ABTB3: variants seen among roughly 807,000 people sequenced by gnomAD.
ABTB3 encodes the protein ankyrin repeat and BTB domain containing 3.
the ABTB3 span, among the ~76,000 whole-genome samples, chr12:107,391,677 C>T: frequency 6.6e-6 from 1 of 152,148 alleles, no homozygotes; most frequent in Non-Finnish European, 1.5e-5. Flanking sequence ...GAGAAAATAA[C>T]CTAGTTTGAC....
At chr12:107,409,494 G>A in the ABTB3 span, among the ~76,000 whole-genome samples, 2 of 152,216 alleles carry the variant, frequency 1.3e-5, no homozygotes, top group East Asian at 3.8e-4. Flanking sequence ...TTACACTAGT[G>A]AATATATACA....
the ABTB3 span, among the ~76,000 whole-genome samples, chr12:107,629,803 T>C: frequency 1.3e-5 from 2 of 152,220 alleles, no homozygotes; most frequent in African/African-American, 4.8e-5. Context: ...GCCTCCAGAA[T>C]GGAGCAAGCC....
chr12:107,547,527 G>A, the ABTB3 span, among the ~76,000 whole-genome samples: 57 of 152,178 alleles, frequency 3.7e-4, 1 homozygote, highest in Non-Finnish European at 6.6e-4. Context: ...AAAGAGGCAC[G>A]AGCAGGGAAG....
the ABTB3 span, among the ~76,000 whole-genome samples, chr12:107,497,732 T>C: frequency 2.6e-5 from 4 of 152,316 alleles, no homozygotes; most frequent in South Asian, 2.1e-4. Context: ...AGAAAATCGA[T>C]GTTCTTATTC....
chr12:107,509,623 T>A, the ABTB3 span, among the ~76,000 whole-genome samples: 1 of 152,192 alleles, frequency 6.6e-6, no homozygotes, highest in Non-Finnish European at 1.5e-5. Context: ...CAAGTCAGCC[T>A]GGGAGCTTCG....
At chr12:107,625,004 A>G in the ABTB3 span, among the ~76,000 whole-genome samples, 46 of 152,180 alleles carry the variant, frequency 3.0e-4, no homozygotes, top group African/African-American at 1.0e-3. Flanking sequence ...TGTTGTCACT[A>G]TTTTTCATTT....
chr12:107,609,010 T>TAAAATA, the ABTB3 span, among the ~76,000 whole-genome samples: 2 of 105,140 alleles, frequency 1.9e-5, no homozygotes, highest in African/African-American at 1.2e-4. Context: ...TAAAATAAAA[T>TAAAATA]AAAGACACAG....
the ABTB3 span, among the ~76,000 whole-genome samples, chr12:107,639,883 A>G: frequency 2.0e-5 from 3 of 152,212 alleles, no homozygotes; most frequent in Non-Finnish European, 4.4e-5. Flanking sequence ...GAACAGGCTC[A>G]TTTGTCACTG....
the ABTB3 span, among the ~76,000 whole-genome samples, chr12:107,622,792 G>C: frequency 1.3e-5 from 2 of 152,118 alleles, no homozygotes; most frequent in Non-Finnish European, 2.9e-5. Context: ...TGTTTTATCA[G>C]AGTAGTGAAT....
the ABTB3 span, among the ~76,000 whole-genome samples, chr12:107,644,815 T>A: frequency 6.6e-6 from 1 of 152,022 alleles, no homozygotes; most frequent in Non-Finnish European, 1.5e-5. Flanking sequence ...CACTTATAAG[T>A]GAGAACATGG....
the ABTB3 span, among the ~76,000 whole-genome samples, chr12:107,335,115 A>G: frequency 1.3e-3 from 191 of 151,876 alleles, no homozygotes; most frequent in Middle Eastern, 3.4e-3. Context: ...GCAAGACCCC[A>G]TCTCTATACA....
chr12:107,609,663 C>T, the ABTB3 span, among the ~76,000 whole-genome samples: 1 of 152,210 alleles, frequency 6.6e-6, no homozygotes, highest in African/African-American at 2.4e-5. Context: ...CTAGAGCAGG[C>T]AGTCCGACAA....
the ABTB3 span, chr12:107,650,109 A>C: frequency 1.3e-5 from 2 of 152,220 alleles, no homozygotes; most frequent in Non-Finnish European, 2.9e-5. Flanking sequence ...TCAACTGTTC[A>C]AGAGCAGACC....
At chr12:107,353,958 T>G in the ABTB3 span, among the ~76,000 whole-genome samples, 2 of 152,094 alleles carry the variant, frequency 1.3e-5, no homozygotes, top group Non-Finnish European at 2.9e-5. Flanking sequence ...AGATTGGAGA[T>G]CACTGCTCTA....
the ABTB3 span, among the ~76,000 whole-genome samples, chr12:107,328,088 G>T: frequency 6.6e-6 from 1 of 152,066 alleles, no homozygotes. Flanking sequence ...ATGGTCTCTG[G>T]TAGGGCAGCC....
At chr12:107,635,223 C>A in the ABTB3 span, 4 of 1,457,808 alleles carry the variant, frequency 2.7e-6, no homozygotes, top group South Asian at 1.2e-5. Flanking sequence ...ATTCCTGGGG[C>A]ACAGCTTGAC....
chr12:107,519,506 C>T, the ABTB3 span, among the ~76,000 whole-genome samples: 14 of 151,978 alleles, frequency 9.2e-5, no homozygotes, highest in Non-Finnish European at 1.3e-4. Context: ...TTAGTAGAGA[C>T]GGTGTTTCGC....
At chr12:107,473,699 ATTTG>A in the ABTB3 span, among the ~76,000 whole-genome samples, 1 of 151,482 alleles carries the variant, frequency 6.6e-6, no homozygotes, top group African/African-American at 2.4e-5. Context: ...TGCTCGACAT[ATTTG>A]TTTGATTCAT....
chr12:107,319,868 G>GC, the ABTB3 span: 1 of 1,250,500 alleles, frequency 8.0e-7, no homozygotes, highest in Non-Finnish European at 1.0e-6. Flanking sequence ...CGCCAGCGGG[G>GC]GCAGCAGCTG....
Sources: gnomAD v4.1 joint callset for allele counts (sites outside exome capture counted in the v4.1 genomes callset) on GRCh38, gnomAD v4.1.1 for gene constraint, MANE v1.5 for transcripts, NCBI Gene and HGNC (gene_info 2026-07-23, HGNC 2026-07-21) for gene names.